TRPM6: variants seen among roughly 807,000 people sequenced by gnomAD.
The protein encoded by TRPM6 is channel kinase 2.
TRPM6 carries 111 observed loss-of-function variants against 247.6 expected under a neutral mutation model. The ratio of observed to expected loss-of-function variants is 0.45; its 90% confidence interval spans 0.38 to 0.52. The LOEUF (loss-of-function observed/expected upper bound fraction) is 0.52, where lower values mean the gene tolerates loss of function less well. Ranked by LOEUF, TRPM6 falls within the 20% of genes least tolerant of loss-of-function variation. TRPM6 has a pLI of 0.00. For missense variants in TRPM6, 2,126 were observed against 2,421.5 expected, an observed-to-expected ratio of 0.88 and a Z score of 2.56; for synonymous variants, 892 against 853.8, an observed-to-expected ratio of 1.04 and a Z score of -0.78.
intron 3 of TRPM6, among the ~76,000 whole-genome samples, chr9:74,849,167 T>C (rs190860256): frequency 3.4e-4 from 52 of 152,154 alleles, no homozygotes; most frequent in Admixed American, 9.2e-4. Context: ...CTGGCCAACA[T>C]GGCGAAACCT....
At chr9:74,874,579 G>A (rs770648612) in intron 1 of TRPM6, among the ~76,000 whole-genome samples, 5 of 152,050 alleles carry the variant, frequency 3.3e-5, no homozygotes, top group African/African-American at 4.8e-5. Flanking sequence ...TGCTTCTTCA[G>A]TATTTAATTT....
rs189477149 is a variant in TRPM6, at chr9:74,848,242, G to C, written c.153-5899C>G. Reference sequence around the variant, plus strand: ...AAAGAAAGCACTTTATGGCTCTTTGGCATGTCCAAATTGCCTGCATCACTA... The same window carrying C: ...AAAGAAAGCACTTTATGGCTCTTTGCCATGTCCAAATTGCCTGCATCACTA... On this transcript the variant is annotated intron_variant, in intron 3 of 38. Transcript: ENST00000360774. 1.3e-3 allele frequency among the ~76,000 whole-genome samples: 193 copies of C among 152,198 alleles called. 1 individual carries two copies. Among genetic ancestry groups the C allele is most frequent in the African/African-American group, 4.5e-3 (187 of 41,538 alleles).
intron 28 of TRPM6, among the ~76,000 whole-genome samples, chr9:74,754,447 TCTACTCA>T (rs1174662378): frequency 6.6e-6 from 1 of 152,216 alleles, no homozygotes; most frequent in East Asian, 1.9e-4. Flanking sequence ...ATCCCTGGCC[TCTACTCA>T]CTAGGTGGCA....
chr9:74,885,391 T>C (rs1430180706), intron 1 of TRPM6, among the ~76,000 whole-genome samples: 2 of 152,152 alleles, frequency 1.3e-5, no homozygotes, highest in Non-Finnish European at 2.9e-5. Context: ...TTATAAGGAA[T>C]ATCTAGAGAT....
In TRPM6 at chr9:74,766,382, C is replaced by T. The variant is rs1053159520; in HGVS notation, c.3537-3248G>A. ...ATTTATAATTTTAGTTTCCTCCATG[C>T]AAGGTACGAGGATGGAAGAAAGATG... On this transcript the variant is annotated intron_variant, in intron 25 of 38. Transcript: ENST00000360774. Among the ~76,000 whole-genome samples, 14 of 152,266 alleles carry T rather than the reference C, an allele frequency of 9.2e-5. No homozygotes were observed. The South Asian group carries it at 2.1e-3, about 23-fold the overall frequency.
At chr9:74,757,639 C>T (rs1826473801) in intron 27 of TRPM6, among the ~76,000 whole-genome samples, 1 of 151,494 alleles carries the variant, frequency 6.6e-6, no homozygotes, top group Non-Finnish European at 1.5e-5. Context: ...GCCAGCCGGG[C>T]ATGGTGGCTC....
intron 18 of TRPM6, among the ~76,000 whole-genome samples, chr9:74,794,583 A>G (rs1440898171): frequency 1.3e-5 from 2 of 152,222 alleles, no homozygotes; most frequent in Admixed American, 1.3e-4. Flanking sequence ...ACACCACATC[A>G]GAAAGACCCC....
At chr9:74,776,826 T>C (rs1162861722) in intron 23 of TRPM6, among the ~76,000 whole-genome samples, 1 of 152,246 alleles carries the variant, frequency 6.6e-6, no homozygotes, top group African/African-American at 2.4e-5. Context: ...ATATTTTGCA[T>C]AGACTAACAA....
intron 25 of TRPM6, among the ~76,000 whole-genome samples, chr9:74,764,199 A>G (rs1051168278): frequency 3.9e-5 from 6 of 152,084 alleles, no homozygotes; most frequent in Admixed American, 1.3e-4. Context: ...CTTTGTAATT[A>G]TCTCTGTATG....
chr9:74,866,331 CTT>C (rs1229390767), intron 1 of TRPM6, among the ~76,000 whole-genome samples: 1 of 152,028 alleles, frequency 6.6e-6, no homozygotes, highest in African/African-American at 2.4e-5. Context: ...ACGTGTGTAA[CTT>C]AGACAAATTC....
chr9:74,887,312 G>A (rs917145686), intron 1 of TRPM6: 1 of 1,366,256 alleles, frequency 7.3e-7, no homozygotes, highest in Non-Finnish European at 9.4e-7. Flanking sequence ...GCGGAGGGAC[G>A]GCCGTCTGGG....
At position 74,840,234 on chromosome 9, in the gene TRPM6, T is replaced by C. The variant is rs1318938766; in HGVS notation, c.334A>G (p.Ile112Val). ...AGTTTTGTATCATAAGAAGTTCTAA[T>C]ATACTGCAAGAAAAGCACATGTAGG... ...DGEHTHHAKY[I>V]RTSYDTKLDH... Residue 112 changes from isoleucine (I) to valine (V), a missense_variant, in exon 5 of 39, where the codon ATT becomes GTT. Coordinates refer to ENST00000360774, the MANE Select transcript of TRPM6 (RefSeq NM_017662.5). 2.5e-6 allele frequency: 4 copies of C among 1,605,830 alleles called. No individual in the cohort carries two copies. The highest frequency in any genetic ancestry group is 1.7e-5 in the Admixed American group (1 of 59,980).
At chr9:74,858,383 G>A (rs1463628902) in intron 2 of TRPM6, among the ~76,000 whole-genome samples, 2 of 12,344 alleles carry the variant, frequency 1.6e-4, no homozygotes, top group African/African-American at 1.2e-3. Flanking sequence ...GCGAGACTTC[G>A]TCTCAAAAAA....
At chr9:74,847,398 T>C (rs1295798460) in intron 3 of TRPM6, among the ~76,000 whole-genome samples, 1 of 152,100 alleles carries the variant, frequency 6.6e-6, no homozygotes, top group Non-Finnish European at 1.5e-5. Context: ...CCCAAGCTGA[T>C]CTTGAACTCC....
chr9:74,781,806 T>C (rs1331171501), intron 23 of TRPM6, among the ~76,000 whole-genome samples: 1 of 152,186 alleles, frequency 6.6e-6, no homozygotes, highest in African/African-American at 2.4e-5. Context: ...TGTTGTTACA[T>C]TGTACTTTCC....
At chr9:74,838,583 C>T (rs1408114011) in intron 5 of TRPM6, among the ~76,000 whole-genome samples, 1 of 152,238 alleles carries the variant, frequency 6.6e-6, no homozygotes. Context: ...AGCTAACACA[C>T]TGACTCATCC....
intron 28 of TRPM6, among the ~76,000 whole-genome samples, chr9:74,753,039 G>A (rs912966609): frequency 4.8e-5 from 7 of 146,940 alleles, no homozygotes; most frequent in Admixed American, 1.4e-4. Flanking sequence ...CTTGAACCCC[G>A]AAGGCGGAGG....
chr9:74,782,269 C>A, intron 23 of TRPM6, 93 bp downstream of exon 23: 2 of 911,828 alleles, frequency 2.2e-6, no homozygotes, highest in Non-Finnish European at 3.5e-6. Flanking sequence ...ACACAAAAAT[C>A]AAAGGTTACA....
In TRPM6 at chr9:74,851,939, A is replaced by C. The variant is rs187465230; in HGVS notation, c.152+3588T>G. Among the ~76,000 whole-genome samples, 122 of 151,666 alleles carry C rather than the reference A, an allele frequency of 8.0e-4. 1 individual carries two copies. In the South Asian group the frequency reaches 8.9e-3, roughly 11 times the overall value. The stretch of plus-strand genomic sequence containing the variant: ...CCAGGAGTTCTAGAACAGCCTGGGC[A>C]ACATAGCAAGAACCCATCTCTATAA... On this transcript the variant is annotated intron_variant, in intron 3 of 38. Coordinates refer to ENST00000360774, the MANE Select transcript of TRPM6 (RefSeq NM_017662.5).
Sources: allele counts gnomAD v4.1 joint callset (sites outside exome capture counted in the v4.1 genomes callset), GRCh38; gene constraint gnomAD v4.1.1; transcripts MANE v1.5; gene names NCBI Gene and HGNC (gene_info 2026-07-23, HGNC 2026-07-21).